Variants in ATR observed in about 807,000 individuals in gnomAD.
The protein encoded by ATR is ATR checkpoint kinase.
In ATR, 142 loss-of-function variants were observed where a neutral mutation model predicts 305.3. The ratio of observed to expected loss-of-function variants is 0.47; its 90% CI spans 0.41 to 0.53. The LOEUF (loss-of-function observed/expected upper bound fraction) is 0.53. ATR is among the 20% of genes least tolerant of loss of function. ATR has a pLI of 0.00. For missense variants in ATR, 2,135 were observed against 3,133.1 expected (o/e 0.68, Z 7.60); for synonymous variants, 1,050 against 1,068.1 (o/e 0.98, Z 0.33).
chr3:142,482,136 T>A (rs2030545784), intron 36 of ATR, among the ~76,000 whole-genome samples: 1 of 152,158 alleles, frequency 6.6e-6, no homozygotes, highest in Admixed American at 6.5e-5. Context: ...TATTTTGATA[T>A]CTAATCACAC....
At chr3:142,545,732 G>T (rs2034244951) in intron 16 of ATR, among the ~76,000 whole-genome samples, 1 of 152,070 alleles carries the variant, frequency 6.6e-6, no homozygotes, top group Non-Finnish European at 1.5e-5. Flanking sequence ...TGGCAGAAAT[G>T]AAAAGATATA....
intron 39 of ATR, among the ~76,000 whole-genome samples, chr3:142,466,867 T>A (rs115502074): frequency 2.7e-4 from 41 of 152,286 alleles, no homozygotes; most frequent in African/African-American, 9.9e-4. Context: ...AGTGGAAATA[T>A]CAAATATTAA....
intron 24 of ATR, among the ~76,000 whole-genome samples, chr3:142,518,286 GC>G (rs1284378393): frequency 2.0e-5 from 3 of 152,202 alleles, no homozygotes; most frequent in African/African-American, 7.2e-5. Context: ...ACTTTGGGAA[GC>G]CCAGACAGGC....
intron 24 of ATR, among the ~76,000 whole-genome samples, chr3:142,516,993 A>G (rs1410809142): frequency 2.0e-5 from 3 of 148,140 alleles, no homozygotes; most frequent in Admixed American, 2.0e-4. Flanking sequence ...TAATATATAT[A>G]TATATATATA....
chr3:142,577,013 C>T (rs1341455705), intron 1 of ATR, among the ~76,000 whole-genome samples: 1 of 152,114 alleles, frequency 6.6e-6, no homozygotes, highest in African/African-American at 2.4e-5. Context: ...GCTAGCTGTG[C>T]CTTTGGTTCT....
chr3:142,483,439 GAATAAGTAC>G (rs895617025), intron 36 of ATR, among the ~76,000 whole-genome samples: 1 of 152,026 alleles, frequency 6.6e-6, no homozygotes, highest in Non-Finnish European at 1.5e-5. Flanking sequence ...ACTAGTTTAA[GAATAAGTAC>G]TTTCTACAAG....
intron 36 of ATR, chr3:142,472,409 C>G (rs1011422487): frequency 1.3e-5 from 2 of 152,180 alleles, no homozygotes; most frequent in Middle Eastern, 3.4e-3. Flanking sequence ...TTCCCTTTTC[C>G]CCATATCCTC....
chr3:142,555,743 T>C, intron 10 of ATR, 134 bp downstream of exon 10: 1 of 1,126,412 alleles, frequency 8.9e-7, no homozygotes, highest in Non-Finnish European at 1.2e-6. Flanking sequence ...TTATAACTAA[T>C]CAATACTGAG....
chr3:142,532,112 C>A (rs938678571), intron 21 of ATR, among the ~76,000 whole-genome samples: 51 of 152,168 alleles, frequency 3.4e-4, no homozygotes, highest in Admixed American at 1.3e-4. Context: ...CTGTCCTGCA[C>A]CCACTGTCTG....
intron 29 of ATR, among the ~76,000 whole-genome samples, chr3:142,503,725 CTTAAT>C (rs1406297099): frequency 5.3e-5 from 8 of 152,036 alleles, no homozygotes; most frequent in African/African-American, 1.7e-4. Flanking sequence ...TCACACCTTT[CTTAAT>C]TTAACAATTG....
Position 142,469,429 on chromosome 3 carries a change from C to G in ATR, c.6460G>C (p.Asp2154His), listed in dbSNP as rs202193482. The change falls in exon 38 of 47, where the codon GAT becomes CAT. Residue 2154 changes from aspartate (D) to histidine (H), a missense_variant. By Grantham distance (81) the Asp-to-His change is moderately conservative (BLOSUM62 -1). This residue lies in a region of ATR where 462 missense variants were observed against 887.6 expected (regional missense o/e 0.52). Transcript: ENST00000350721. ...TCCATCAAGACAACAAAAACTTCAT[C>G]GTGAGAATGACAAATTCGAGAGATC... is the stretch of plus-strand genomic sequence containing the variant. The part of the protein sequence containing the change: ...QLISRICHSH[D>H]EVFVVLMEII... The G allele has an allele frequency of 5.0e-6, 8 of 1,613,884 alleles. No homozygotes were observed. Among genetic ancestry groups the G allele is most frequent in the Non-Finnish European group, 6.8e-6 (8 of 1,179,916 alleles).
intron 30 of ATR, among the ~76,000 whole-genome samples, chr3:142,501,908 C>T (rs375103394): frequency 7.2e-5 from 11 of 152,244 alleles, no homozygotes; most frequent in African/African-American, 2.6e-4. Flanking sequence ...TCACGCCCAG[C>T]TAATTTTTGT....
At chr3:142,532,778 C>T (rs2033710606) in intron 21 of ATR, among the ~76,000 whole-genome samples, 1 of 152,196 alleles carries the variant, frequency 6.6e-6, no homozygotes, top group South Asian at 2.1e-4. Context: ...TTTCAATCCA[C>T]TCTTAAAGTA....
chr3:142,496,765 T>C (rs2031669765), intron 33 of ATR, among the ~76,000 whole-genome samples: 1 of 152,174 alleles, frequency 6.6e-6, no homozygotes, highest in African/African-American at 2.4e-5. Flanking sequence ...AACCTTATTC[T>C]TGATTTTTAT....
intron 15 of ATR, 57 bp from the exon 16 acceptor site, chr3:142,547,967 A>C (rs2034336142): frequency 7.6e-6 from 11 of 1,445,234 alleles, no homozygotes; most frequent in Non-Finnish European, 1.1e-5. Context: ...TCCTGGAAAT[A>C]AGTATACTGA....
chr3:142,528,854 C>CAT lies in ATR; in HGVS notation c.3946-4657_3946-4656dup, dbSNP rs1191100552. On this transcript the variant is annotated intron_variant, in intron 21 of 46. Transcript: ENST00000350721. ...GTTTATACTTTTGTTCTGGAATTAT[C>CAT]ATATATATATATATATATATATATA... 6.2e-3 allele frequency among the ~76,000 whole-genome samples: 406 copies of CAT among 65,652 alleles called. 18 individuals carry two copies. Among genetic ancestry groups the CAT allele is most frequent in the South Asian group, 0.014 (28 of 2,064 alleles). The allele number at this position is 65,652 out of a possible 152,430, so 43.1% of individuals were successfully genotyped here.
chr3:142,531,160 T>A (rs1190015367), intron 21 of ATR, among the ~76,000 whole-genome samples: 6 of 152,230 alleles, frequency 3.9e-5, no homozygotes, highest in African/African-American at 9.6e-5. Flanking sequence ...CTCTTTATGA[T>A]ATTTCAGGGG....
intron 36 of ATR, among the ~76,000 whole-genome samples, chr3:142,483,874 A>AATATAT (rs35084597): frequency 3.9e-3 from 581 of 149,518 alleles, no homozygotes; most frequent in Admixed American, 9.1e-3. Context: ...AATAAAATAA[A>AATATAT]ATATATATAT....
intron 36 of ATR, among the ~76,000 whole-genome samples, chr3:142,477,166 T>C (rs975122223): frequency 6.6e-6 from 1 of 152,210 alleles, no homozygotes; most frequent in African/African-American, 2.4e-5. Flanking sequence ...CATCCCTGTC[T>C]TATGCCAGTT....
Sources: gnomAD v4.1 joint callset for allele counts (sites outside exome capture counted in the v4.1 genomes callset) on GRCh38, gnomAD v4.1.1 for gene constraint, gnomAD v4.1.1 regional missense constraint, MANE v1.5 for transcripts, NCBI Gene and HGNC (gene_info 2026-07-23, HGNC 2026-07-21) for gene names.